Variants in CCDC40 observed in about 807,000 individuals in gnomAD.
CCDC40 encodes coiled-coil domain-containing protein 40.
In CCDC40, 104 loss-of-function variants were observed where a neutral mutation model predicts 124.5. The ratio of observed to expected loss-of-function variants is 0.84; its 90% CI spans 0.71 to 0.98. The LOEUF is 0.98. Ranked by LOEUF, CCDC40 falls within the 50% of genes least tolerant of loss-of-function variation. The pLI, the probability that CCDC40 is intolerant of heterozygous loss-of-function variation, is 0.00. For synonymous variants in CCDC40, 580 were observed against 602.9 expected (o/e 0.96, Z 0.56); for missense variants, 1,463 against 1,503.9 (o/e 0.97, Z 0.45).
chr17:80,078,263 G>A (rs892134588), intron 10 of CCDC40, among the ~76,000 whole-genome samples: 5 of 151,370 alleles, frequency 3.3e-5, no homozygotes, highest in African/African-American at 9.7e-5. Flanking sequence ...CCTGGGAGGC[G>A]GAGCTTGCAG....
rs962684305 is a variant in CCDC40, at chr17:80,090,525, C to G, written c.2832+641C>G. 3.3e-6 allele frequency: 5 copies of G among 1,522,362 alleles called. No individual in the cohort carries two copies. The African/African-American group carries it at 6.9e-5, about 21-fold the overall frequency. The allele number at this position is 1,522,362 out of a possible 1,614,324, so 94.3% of individuals were successfully genotyped here. On this transcript the variant is annotated intron_variant, in intron 17 of 19. Coordinates refer to ENST00000397545, the MANE Select transcript of CCDC40 (RefSeq NM_017950.4). ...CACAAAACGCTGTTTTATTCCTACTCCATGTAATCACAGCACGCTGGTATT... is the reference window on the plus strand; with the variant it reads ...CACAAAACGCTGTTTTATTCCTACTGCATGTAATCACAGCACGCTGGTATT...
Position 80,086,670 on chromosome 17 carries a change from G to A in CCDC40, c.2449+454G>A. Reference sequence around the variant, plus strand: ...CCCAAGGGGCTGCCAAAGCACCAGGGTGCCTGGAATGATGGAGGCGGGCAT... The same window carrying A: ...CCCAAGGGGCTGCCAAAGCACCAGGATGCCTGGAATGATGGAGGCGGGCAT... On this transcript the variant is annotated intron_variant, in intron 14 of 19. Coordinates refer to ENST00000397545, the MANE Select transcript of CCDC40 (RefSeq NM_017950.4). The surrounding 1 kb of genome is among the most constrained non-coding windows in gnomAD (Gnocchi z 5.5). 1 of 238,228 alleles carries A rather than the reference G, an allele frequency of 4.2e-6. No individual in the cohort carries two copies. Among genetic ancestry groups the A allele is most frequent in the Non-Finnish European group, 8.4e-6 (1 of 119,432 alleles). The allele number at this position is 238,228 out of a possible 1,614,324, so 14.8% of individuals were successfully genotyped here.
chr17:80,058,897 C>G lies in CCDC40; in HGVS notation c.1357C>G (p.Leu453Val). Residue 453 changes from leucine (L) to valine (V), a missense_variant, in exon 9 of 20, where the codon CTG (leucine) becomes GTG (valine). Transcript: ENST00000397545. This position sits in a 1 kb window ranked among gnomAD's most constrained non-coding sequence, Gnocchi z 4.2. The stretch of plus-strand genomic sequence containing the variant: ...CCAGCTCACCACTCGAGCCCAGCAA[C>G]TGGAAGAAGACATTGCCCTGTTTGA... ...VDQLTTRAQQ[L>V]EEDIALFEAQ... 1 of 1,614,188 alleles carries G rather than the reference C, an allele frequency of 6.2e-7. No homozygotes were observed. The highest frequency in any genetic ancestry group is 8.5e-7 in the Non-Finnish European group (1 of 1,180,024).
At chr17:80,097,516 C>T in intron 19 of CCDC40, 113 bp downstream of exon 19, 3 of 1,094,116 alleles carry the variant, frequency 2.7e-6, no homozygotes, top group Non-Finnish European at 2.7e-6. Context: ...AGGTCACGGC[C>T]TCTCCTGATC....
At chr17:80,037,778 G>A (rs1013944920) in intron 1 of CCDC40, among the ~76,000 whole-genome samples, 2 of 146,210 alleles carry the variant, frequency 1.4e-5, no homozygotes, top group Non-Finnish European at 3.0e-5. Context: ...TACTCTGATC[G>A]CGCTACTTTC....
intron 10 of CCDC40, chr17:80,067,404 G>T: frequency 3.3e-6 from 2 of 611,720 alleles, no homozygotes; most frequent in Non-Finnish European, 5.8e-6. Flanking sequence ...GCAATTGCAA[G>T]AAAGCATATG....
intron 2 of CCDC40, among the ~76,000 whole-genome samples, chr17:80,039,105 G>T (rs545515617): frequency 6.6e-6 from 1 of 152,248 alleles, no homozygotes; most frequent in South Asian, 2.1e-4. Flanking sequence ...GGTGGCTCAC[G>T]CCTGTGGTCC....
chr17:80,055,444 T>A (rs7208049), intron 7 of CCDC40, among the ~76,000 whole-genome samples: 50,476 of 151,976 alleles, frequency 0.33, 11,022 homozygotes, highest in African/African-American at 0.63. Flanking sequence ...TAACAACTTT[T>A]AAATAAGTCC....
At chr17:80,039,701 G>C in intron 2 of CCDC40, 111 bp from the exon 3 acceptor site, 1 of 1,371,760 alleles carries the variant, frequency 7.3e-7, no homozygotes, top group Non-Finnish European at 1.0e-6. Flanking sequence ...GTGATGCTGA[G>C]AAGGGTATAA....
chr17:80,051,238 T>C, intron 7 of CCDC40: 1 of 758,976 alleles, frequency 1.3e-6, no homozygotes. Flanking sequence ...CAGAAGCACA[T>C]GGCTATCCCA....
rs376612893 is a variant in CCDC40, at chr17:80,084,945, A to G, written c.2192A>G (p.Asn731Ser). The change falls in exon 13 of 20, where the codon AAC becomes AGC. Residue 731 changes from asparagine to serine, a missense_variant. Asn to Ser is a conservative substitution (Grantham distance 46). Coordinates refer to ENST00000397545, the MANE Select transcript of CCDC40 (RefSeq NM_017950.4). ...ATCGAGAGGAAGCAAGGGCTCATCA[A>G]CTTCCTCAACAAGCAGCTGGAGCGG... Reference protein sequence around the residue: ...ILIERKQGLINFLNKQLERMV... With the variant: ...ILIERKQGLISFLNKQLERMV... 79 of 1,613,910 alleles carry G rather than the reference A, an allele frequency of 4.9e-5. No homozygotes were observed. The highest frequency in any genetic ancestry group is 5.9e-5 in the Non-Finnish European group (70 of 1,180,036).
At chr17:80,081,387 A>AAAATAAGTAAATAAATAAAT in intron 10 of CCDC40, 159 bp from the exon 11 acceptor site, 1 of 343,888 alleles carries the variant, frequency 2.9e-6, no homozygotes, top group African/African-American at 2.3e-5. Context: ...TCTGTCTCAA[A>AAAATAAGTAAATAAATAAAT]AAATAAATAA....
chr17:80,082,895 C>T (rs1017534412), intron 12 of CCDC40, among the ~76,000 whole-genome samples: 7 of 152,196 alleles, frequency 4.6e-5, no homozygotes, highest in Non-Finnish European at 8.8e-5. Context: ...ATTTTCCAAC[C>T]GATGCCAGTC....
intron 7 of CCDC40, among the ~76,000 whole-genome samples, chr17:80,055,993 TATA>T (rs2037726850): frequency 8.4e-5 from 1 of 11,912 alleles, no homozygotes; most frequent in Non-Finnish European, 2.1e-4. Flanking sequence ...TATATATATA[TATA>T]TATATATATA....
Position 80,081,681 on chromosome 17 carries a change from G to A in CCDC40, c.1698G>A (p.Gln566=). 2 of 1,614,208 alleles carry A rather than the reference G, an allele frequency of 1.2e-6. No homozygotes were observed. Among genetic ancestry groups the A allele is most frequent in the Non-Finnish European group, 1.7e-6 (2 of 1,180,036 alleles). The change falls in exon 11 of 20, where the codon CAG becomes CAA. Residue 566 remains glutamine (Q), a synonymous_variant. Transcript: ENST00000397545. Reference sequence around the variant, plus strand: ...CAGAGACGGAAGCCACACTGCTGCAGAAGCTCACCACCCAGTGCCTGACCA... The same window carrying A: ...CAGAGACGGAAGCCACACTGCTGCAAAAGCTCACCACCCAGTGCCTGACCA... The part of the protein sequence containing the change: ...NRTETEATLL[Q]KLTTQCLTKQ...
Position 80,050,195 on chromosome 17 carries a change from C to G in CCDC40, c.1071C>G (p.Ser357Arg), listed in dbSNP as rs757089648. 2.5e-6 allele frequency: 4 copies of G among 1,611,700 alleles called. No individual in the cohort carries two copies. The highest frequency in any genetic ancestry group is 3.4e-6 in the Non-Finnish European group (4 of 1,179,572). ...ACGACCGCCACGCAATGGCCTCGAG[C>G]GAGCGCAGGCAGAAGGAGGAGGAGC... ...KSHDRHAMAS[S>R]ERRQKEEELQ... Residue 357 changes from serine (S) to arginine (R), a missense_variant, in exon 7 of 20, where the codon AGC becomes AGG. By Grantham distance (110) the Ser-to-Arg change is moderately radical. Transcript: ENST00000397545.
intron 7 of CCDC40, among the ~76,000 whole-genome samples, chr17:80,057,004 A>C (rs1303975677): frequency 1.4e-5 from 2 of 146,118 alleles, no homozygotes; most frequent in Non-Finnish European, 3.0e-5. Flanking sequence ...TCACCACTGC[A>C]CTCCAGCCTG....
At chr17:80,050,337 G>T (rs2037552854) in intron 7 of CCDC40, 54 bp downstream of exon 7, 8 of 1,414,236 alleles carry the variant, frequency 5.7e-6, no homozygotes, top group Non-Finnish European at 3.9e-6. Context: ...GTTTCCCAGG[G>T]GTGTCTCCAT....
intron 17 of CCDC40, among the ~76,000 whole-genome samples, chr17:80,093,832 C>T (rs1004784219): frequency 6.6e-6 from 1 of 151,976 alleles, no homozygotes; most frequent in Non-Finnish European, 1.5e-5. Context: ...TATTTCTTAA[C>T]ATTTTTTAGG....
Sources: gnomAD v4.1 joint callset for allele counts (sites outside exome capture counted in the v4.1 genomes callset) on GRCh38, gnomAD v4.1.1 for gene constraint, Gnocchi (gnomAD v3.1) non-coding constraint, MANE v1.5 for transcripts, NCBI Gene and HGNC (gene_info 2026-07-23, HGNC 2026-07-21) for gene names.